Variants in KCNC3 observed in about 807,000 individuals in gnomAD.
KCNC3 encodes the protein voltage-gated potassium channel KCNC3.
KCNC3 carries 22 observed loss-of-function variants against 43.9 expected under a neutral mutation model. The observed-to-expected ratio is 0.50, with a 90% CI of 0.36 to 0.72. KCNC3 has a LOEUF of 0.72. Ranked by LOEUF, KCNC3 falls within the 30% of genes least tolerant of loss-of-function variation. The probability of loss-of-function intolerance (pLI) is 0.00; values close to 1 mark genes in which losing one functional copy is unlikely to be tolerated. For missense variants in KCNC3, 829 were observed against 1,073.8 expected (o/e 0.77, Z 3.19); for synonymous variants, 492 against 488.0 (o/e 1.01, Z -0.11).
intron 4 of KCNC3, among the ~76,000 whole-genome samples, chr19:50,318,340 A>G (rs2036983912): frequency 6.6e-6 from 1 of 151,392 alleles, no homozygotes; most frequent in African/African-American, 2.4e-5. Context: ...ACGCATGGCT[A>G]ATTTTTGTAT....
chr19:50,327,515 G>C (rs982894902), intron 1 of KCNC3, among the ~76,000 whole-genome samples: 1 of 152,124 alleles, frequency 6.6e-6, no homozygotes, highest in African/African-American at 2.4e-5. Context: ...AGGTTGGGGT[G>C]GGGGAGTTTT....
chr19:50,322,831 C>CTTCG (rs1462696854), intron 2 of KCNC3, 144 bp downstream of exon 2: 1 of 750,386 alleles, frequency 1.3e-6, no homozygotes, highest in Non-Finnish European at 2.1e-6. Context: ...GTGCCTCCTT[C>CTTCG]TTCGCCTGAG....
At chr19:50,330,335 G>T (rs2037172894), upstream of KCNC3, among the ~76,000 whole-genome samples, 1 of 152,124 alleles carries the variant, frequency 6.6e-6, no homozygotes, top group African/African-American at 2.4e-5. Flanking sequence ...ACTAAGGAAG[G>T]AGCGGGGCTT....
chr19:50,333,337 C>G (rs2037208772), upstream of KCNC3: 1 of 154,374 alleles, frequency 6.5e-6, no homozygotes, highest in African/African-American at 2.4e-5. Flanking sequence ...TCCCCCAACC[C>G]AGGGGCTTCA....
At chr19:50,318,445 G>C (rs1290275935) in intron 4 of KCNC3, among the ~76,000 whole-genome samples, 1 of 152,152 alleles carries the variant, frequency 6.6e-6, no homozygotes, top group East Asian at 1.9e-4. Context: ...AAAGTGCTGG[G>C]ATTACAGATG....
rs201156826 is a variant in KCNC3 at position 50,323,408 on chromosome 19, C to T, written c.1545G>A (p.Ser515=). The change falls in exon 2 of 5, where the codon TCG becomes TCA. Residue 515 remains serine, a synonymous_variant. Coordinates refer to ENST00000477616, the MANE Select transcript of KCNC3 (RefSeq NM_004977.3). ...CACACAGCGCCCCGACCAGCATCCC[C>T]GACCACGTCTTGGGGTACATGTCTC... The part of the protein sequence containing the change: ...GYGDMYPKTW[S]GMLVGALCAL... 187 of 1,614,108 alleles carry T rather than the reference C, an allele frequency of 1.2e-4. No homozygotes were observed. The Middle Eastern group carries it at 2.0e-3, about 17-fold the overall frequency.
At position 50,316,056 on chromosome 19, in the gene KCNC3, C is replaced by A. The variant is rs576839750; in HGVS notation, c.*59G>T. ...ACCTGGGGGGAAGGGGCGGGGGGGA[C>A]CGAAAGTCTCGCGAGGTCTCAGGCG... On this transcript the variant is annotated 3_prime_UTR_variant, in exon 5 of 5. Coordinates refer to ENST00000477616, the MANE Select transcript of KCNC3 (RefSeq NM_004977.3). The A allele has an allele frequency of 5.0e-6, 2 of 398,554 alleles. No individual in the cohort carries two copies. The highest frequency in any genetic ancestry group is 3.8e-5 in the East Asian group (1 of 26,404). The allele number at this position is 398,554 out of a possible 1,614,324, so 24.7% of individuals were successfully genotyped here.
At chr19:50,320,990 C>T (rs1294696401) in intron 2 of KCNC3, among the ~76,000 whole-genome samples, 1 of 61,866 alleles carries the variant, frequency 1.6e-5, no homozygotes, top group Non-Finnish European at 3.3e-5. Flanking sequence ...ATCAAGGGGG[C>T]GCGGCTGGGG....
Position 50,320,276 on chromosome 19 carries a change from G to C in KCNC3, c.2244C>G (p.Asn748Lys). Residue 748 changes from asparagine (N) to lysine (K), a missense_variant, in exon 4 of 5, where the codon AAC (asparagine) becomes AAG (lysine). This residue lies in a region of KCNC3 where 308 missense variants were observed against 276.2 expected (regional missense o/e 1.11). Transcript: ENST00000477616. Reference sequence around the variant, plus strand: ...GGGATATCCAGGCCGCGGCGTTGGCGTTGAGGTCGGGCAAGAAGCTTGGGG... The same window carrying C: ...GGGATATCCAGGCCGCGGCGTTGGCCTTGAGGTCGGGCAAGAAGCTTGGGG... ...PGPPSFLPDL[N>K]ANAAAWISP 9.3e-7 allele frequency: 1 copy of C among 1,075,772 alleles called. No homozygotes were observed. The highest frequency in any genetic ancestry group is 1.2e-6 in the Non-Finnish European group (1 of 809,874). The allele number at this position is 1,075,772 out of a possible 1,614,324, so 66.6% of individuals were successfully genotyped here. A position where few individuals can be genotyped will look rare whatever the true frequency, so the allele number is the denominator to read the frequency against.
Position 50,328,356 on chromosome 19 carries a change from T to G in KCNC3, c.727A>C (p.Lys243Gln). ...CCCGCGTCCTGGAAGCAGAGGCGCT[T>G]GAGCTCGCCGCCCGCTCCGTCCAGG... ...GGLDGAGGEL[K>Q]RLCFQDAGGG... is the part of the protein sequence containing the mutation. The change falls in exon 1 of 5, where the codon AAG becomes CAG. Residue 243 changes from lysine to glutamine, a missense_variant. Transcript: ENST00000477616. The G allele has an allele frequency of 8.5e-7, 1 of 1,182,660 alleles. No individual in the cohort carries two copies. Among genetic ancestry groups the G allele is most frequent in the Non-Finnish European group, 1.0e-6 (1 of 958,960 alleles). 73.3% of individuals were successfully genotyped at this position (1,182,660 alleles called of 1,614,324 possible). A position where few individuals can be genotyped will look rare whatever the true frequency, so the allele number is the denominator to read the frequency against.
intron 4 of KCNC3, among the ~76,000 whole-genome samples, chr19:50,319,213 G>GC (rs1267119745): frequency 6.6e-6 from 1 of 152,006 alleles, no homozygotes; most frequent in Non-Finnish European, 1.5e-5. Flanking sequence ...ATGGCCGGCA[G>GC]CCCCCAGTCT....
At chr19:50,318,321 CCCA>C (rs530713657) in intron 4 of KCNC3, among the ~76,000 whole-genome samples, 23 of 151,954 alleles carry the variant, frequency 1.5e-4, no homozygotes, top group Non-Finnish European at 3.2e-4. Flanking sequence ...ACTACAGGTG[CCCA>C]CCACCACGCA....
chr19:50,324,107 G>A lies in KCNC3; in HGVS notation c.871-25C>T. ...ACTGCAGGGCAGGGAGGGAGAGAGAGGGGGAGAGGTGACCTAGGCATCAGG... is the reference window on the plus strand; with the variant it reads ...ACTGCAGGGCAGGGAGGGAGAGAGAAGGGGAGAGGTGACCTAGGCATCAGG... On this transcript the variant is annotated intron_variant, in intron 1 of 4. Transcript: ENST00000477616. The surrounding 1 kb of genome is among the most constrained non-coding windows in gnomAD (Gnocchi z 4.1). 1 of 1,562,370 alleles carries A rather than the reference G, an allele frequency of 6.4e-7. No individual in the cohort carries two copies. Among genetic ancestry groups the A allele is most frequent in the South Asian group, 1.2e-5 (1 of 82,220 alleles).
chr19:50,325,768 T>G (rs939775118), intron 1 of KCNC3, among the ~76,000 whole-genome samples: 14 of 151,648 alleles, frequency 9.2e-5, no homozygotes, highest in African/African-American at 3.4e-4. Flanking sequence ...CGCGGACAGC[T>G]CCCCCGCCGC....
chr19:50,330,746 G>T (rs2037178199), upstream of KCNC3, among the ~76,000 whole-genome samples: 1 of 152,156 alleles, frequency 6.6e-6, no homozygotes, highest in Non-Finnish European at 1.5e-5. Context: ...AATGGGGTGG[G>T]CTAGGAGTCT....
chr19:50,324,690 T>C lies in KCNC3; in HGVS notation c.871-608A>G, dbSNP rs1037096363. 1.3e-5 allele frequency among the ~76,000 whole-genome samples: 2 copies of C among 152,066 alleles called. No individual in the cohort carries two copies. The highest frequency in any genetic ancestry group is 2.1e-4 in the South Asian group (1 of 4,812). ...AGTGGGATTGTTGTGAGGATTAAAT[T>C]AGATGAGCGTACGAAGGACTTGGCT... On this transcript the variant is annotated intron_variant, in intron 1 of 4. Coordinates refer to ENST00000477616, the MANE Select transcript of KCNC3 (RefSeq NM_004977.3). The surrounding 1 kb of genome is among the most constrained non-coding windows in gnomAD (Gnocchi z 4.1).
rs1240941156 is a variant in KCNC3 at position 50,312,916 on chromosome 19, G to A, written c.*3199C>T. On this transcript the variant is annotated 3_prime_UTR_variant, in exon 5 of 5. Transcript: ENST00000477616. ...CCACCCCTCACCCCTGCTTCACCAGGGTTTAGGGTCCGAGGGAAGGATGGG... is the reference window on the plus strand; with the variant it reads ...CCACCCCTCACCCCTGCTTCACCAGAGTTTAGGGTCCGAGGGAAGGATGGG... 12 of 152,060 alleles carry A rather than the reference G, an allele frequency of 7.9e-5. No individual in the cohort carries two copies. Among genetic ancestry groups the A allele is most frequent in the Admixed American group, 7.9e-4 (12 of 15,278 alleles). The allele number at this position is 152,060 out of a possible 1,614,324, so 9.4% of individuals were successfully genotyped here. A position where few individuals can be genotyped will look rare whatever the true frequency, so the allele number is the denominator to read the frequency against.
chr19:50,319,036 AATGAATGGATTGAATAC>A (rs1320505110), intron 4 of KCNC3, among the ~76,000 whole-genome samples: 1 of 151,438 alleles, frequency 6.6e-6, no homozygotes, highest in Non-Finnish European at 1.5e-5. Context: ...TGAAACAGTG[AATGAATGGATTGAATAC>A]ATGAATGAAA....
upstream of KCNC3, among the ~76,000 whole-genome samples, chr19:50,329,997 T>G (rs1186119557): frequency 6.6e-6 from 1 of 152,140 alleles, no homozygotes; most frequent in Non-Finnish European, 1.5e-5. Flanking sequence ...CAGGGCGCAG[T>G]GGCTCACGCC....
Sources: gnomAD v4.1 joint callset for allele counts (sites outside exome capture counted in the v4.1 genomes callset) on GRCh38, gnomAD v4.1.1 for gene constraint, gnomAD v4.1.1 regional missense constraint, Gnocchi (gnomAD v3.1) non-coding constraint, MANE v1.5 for transcripts, NCBI Gene and HGNC (gene_info 2026-07-23, HGNC 2026-07-21) for gene names.